GRID2: variants seen among roughly 807,000 people sequenced by gnomAD.
The protein encoded by GRID2 is glutamate ionotropic receptor delta type subunit 2.
In GRID2, 33 loss-of-function variants were observed where a neutral mutation model predicts 114.8. That is an observed-to-expected ratio of 0.29 (90% CI 0.22 to 0.38). The LOEUF is 0.38. Ranked by LOEUF, GRID2 falls within the 10% of genes least tolerant of loss-of-function variation. GRID2 has a pLI of 1.00. For missense variants in GRID2, 1,184 were observed against 1,257.7 expected, an observed-to-expected ratio of 0.94 and a Z score of 0.89; for synonymous variants, 505 against 449.9, an observed-to-expected ratio of 1.12 and a Z score of -1.55.
chr4:92,764,475 T>C (rs1478385548), intron 2 of GRID2, among the ~76,000 whole-genome samples: 1 of 152,124 alleles, frequency 6.6e-6, no homozygotes, highest in Non-Finnish European at 1.5e-5. Flanking sequence ...CCCTGCCAGC[T>C]CACAGTTGGC....
intron 2 of GRID2, among the ~76,000 whole-genome samples, chr4:92,611,851 A>G (rs960439824): frequency 4.6e-5 from 7 of 151,366 alleles, no homozygotes; most frequent in African/African-American, 1.7e-4. Flanking sequence ...TTTTTTGACA[A>G]TCTTATTTAT....
At chr4:92,613,390 G>A (rs921589011) in intron 2 of GRID2, among the ~76,000 whole-genome samples, 5 of 151,366 alleles carry the variant, frequency 3.3e-5, no homozygotes, top group African/African-American at 9.7e-5. Flanking sequence ...TTCTCTTCTT[G>A]TGATGTTTTA....
intron 4 of GRID2, among the ~76,000 whole-genome samples, chr4:93,153,455 A>G (rs917827697): frequency 6.6e-6 from 1 of 152,102 alleles, no homozygotes; most frequent in African/African-American, 2.4e-5. Flanking sequence ...GAAGTGGCAG[A>G]GACTAGCTAG....
At chr4:92,939,998 G>T (rs370857182) in intron 2 of GRID2, among the ~76,000 whole-genome samples, 1 of 147,044 alleles carries the variant, frequency 6.8e-6, no homozygotes, top group East Asian at 2.2e-4. Context: ...GTCAGGTAGC[G>T]TGATGCCTCT....
chr4:92,635,345 C>T (rs1259779192), intron 2 of GRID2, among the ~76,000 whole-genome samples: 1 of 151,902 alleles, frequency 6.6e-6, no homozygotes, highest in African/African-American at 2.4e-5. Context: ...CTTAGACTCC[C>T]GATATTTGTA....
At chr4:92,537,620 A>T (rs937335685) in intron 1 of GRID2, among the ~76,000 whole-genome samples, 1 of 152,202 alleles carries the variant, frequency 6.6e-6, no homozygotes, top group Non-Finnish European at 1.5e-5. Flanking sequence ...GCTATATTAT[A>T]TGAGTAATTA....
chr4:93,022,500 A>G (rs1046301014), intron 2 of GRID2, among the ~76,000 whole-genome samples: 1 of 151,946 alleles, frequency 6.6e-6, no homozygotes, highest in African/African-American at 2.4e-5. Context: ...AATGTTTTAG[A>G]TCATAAATCT....
intron 2 of GRID2, among the ~76,000 whole-genome samples, chr4:92,847,960 G>A (rs1029612754): frequency 1.6e-4 from 25 of 151,794 alleles, no homozygotes; most frequent in Non-Finnish European, 3.5e-4. Flanking sequence ...CCTTTAGAAA[G>A]GATTTTCTTA....
intron 13 of GRID2, among the ~76,000 whole-genome samples, chr4:93,554,906 C>T (rs1252272963): frequency 6.6e-6 from 1 of 152,122 alleles, no homozygotes; most frequent in Non-Finnish European, 1.5e-5. Context: ...AACTGAGGTA[C>T]TCGGCTCATA....
intron 1 of GRID2, among the ~76,000 whole-genome samples, chr4:92,344,015 A>T (rs1727642178): frequency 6.6e-6 from 1 of 152,226 alleles, no homozygotes; most frequent in Non-Finnish European, 1.5e-5. Context: ...TAGAGGAAAA[A>T]CAGGAAGAGG....
At chr4:92,794,903 T>TACAC (rs1262318589) in intron 2 of GRID2, among the ~76,000 whole-genome samples, 9 of 134,210 alleles carry the variant, frequency 6.7e-5, no homozygotes, top group Admixed American at 1.5e-4. Context: ...TATATATATA[T>TACAC]ATACACACAC....
chr4:93,407,933 A>G (rs981149958), intron 9 of GRID2, among the ~76,000 whole-genome samples: 17 of 152,036 alleles, frequency 1.1e-4, no homozygotes, highest in African/African-American at 3.4e-4. Context: ...GGGAAAACAA[A>G]ATATTCAGAC....
chr4:93,794,375 T>G (rs1220177338), intron 1 of GRID2, among the ~76,000 whole-genome samples: 2 of 152,190 alleles, frequency 1.3e-5, no homozygotes, highest in African/African-American at 4.8e-5. Flanking sequence ...CCAGGGACAC[T>G]TTAATAACCC....
intron 14 of GRID2, among the ~76,000 whole-genome samples, chr4:93,741,538 T>C (rs1731417808): frequency 6.6e-6 from 1 of 152,176 alleles, no homozygotes; most frequent in Admixed American, 6.5e-5. Context: ...TGTTAAATAA[T>C]GAAATGCTGG....
intron 8 of GRID2, among the ~76,000 whole-genome samples, chr4:93,390,146 A>G (rs1224821696): frequency 6.6e-6 from 1 of 152,160 alleles, no homozygotes; most frequent in African/African-American, 2.4e-5. Context: ...AATTACCTGG[A>G]AAGGCTTTTA....
intron 14 of GRID2, among the ~76,000 whole-genome samples, chr4:93,763,498 T>G (rs1192231777): frequency 2.0e-5 from 3 of 152,188 alleles, no homozygotes; most frequent in Non-Finnish European, 4.4e-5. Flanking sequence ...AGGAAACATA[T>G]TGATGAGACG....
intron 2 of GRID2, among the ~76,000 whole-genome samples, chr4:92,617,601 G>A (rs966791119): frequency 3.3e-5 from 5 of 151,624 alleles, no homozygotes; most frequent in African/African-American, 7.2e-5. Context: ...TTTTTATCCA[G>A]TAATCTGTTG....
At chr4:92,988,866 G>T (rs1754669117) in intron 2 of GRID2, among the ~76,000 whole-genome samples, 1 of 152,144 alleles carries the variant, frequency 6.6e-6, no homozygotes, top group African/African-American at 2.4e-5. Context: ...AGAGAAAATG[G>T]CATAACTGAT....
Position 93,370,248 on chromosome 4 carries a change from A to G in GRID2, c.1246-25359A>G, listed in dbSNP as rs182474615. ...TTAAAAATCTGTCTAGCTTTCAGAT[A>G]CATAAAGGAAAAGCAACCTGGTTTT... On this transcript the variant is annotated intron_variant, in intron 8 of 15. Coordinates refer to ENST00000282020, the MANE Select transcript of GRID2 (RefSeq NM_001510.4). Among the ~76,000 whole-genome samples, 47 of 152,272 alleles carry G rather than the reference A, an allele frequency of 3.1e-4. 1 individual carries two copies. The highest frequency in any genetic ancestry group is 1.1e-3 in the African/African-American group (45 of 41,550).
Sources: allele counts gnomAD v4.1 joint callset (sites outside exome capture counted in the v4.1 genomes callset), GRCh38; gene constraint gnomAD v4.1.1; transcripts MANE v1.5; gene names NCBI Gene and HGNC (gene_info 2026-07-23, HGNC 2026-07-21).